BBS9: variants seen among roughly 807,000 people sequenced by gnomAD.
BBS9 encodes protein PTHB1.
A neutral mutation model predicts 117.7 loss-of-function variants in BBS9; 89 were observed. The ratio of observed to expected loss-of-function variants is 0.76; its 90% CI spans 0.64 to 0.90. The LOEUF is 0.90. BBS9 is among the 40% of genes least tolerant of loss of function. BBS9 has a pLI of 0.00. For missense variants in BBS9, 982 were observed against 1,042.2 expected, an observed-to-expected ratio of 0.94 and a Z score of 0.80; for synonymous variants, 379 against 370.9, an observed-to-expected ratio of 1.02 and a Z score of -0.25.
At chr7:33,137,362 G>A (rs1790671713) in intron 1 of BBS9, among the ~76,000 whole-genome samples, 1 of 152,192 alleles carries the variant, frequency 6.6e-6, no homozygotes. Flanking sequence ...GTCTGGAGCT[G>A]TGATTGGGTA....
chr7:33,485,629 G>A (rs1008899857), intron 19 of BBS9, among the ~76,000 whole-genome samples: 1 of 152,050 alleles, frequency 6.6e-6, no homozygotes, highest in Non-Finnish European at 1.5e-5. Context: ...TTAAAAAAAG[G>A]CATTTTCCTA....
intron 9 of BBS9, among the ~76,000 whole-genome samples, chr7:33,284,342 A>T (rs766533517): frequency 1.1e-4 from 17 of 152,184 alleles, no homozygotes; most frequent in African/African-American, 3.9e-4. Context: ...TTGCTGTATT[A>T]TCTTTGATTA....
chr7:33,328,100 A>G (rs1293789188), intron 9 of BBS9, among the ~76,000 whole-genome samples: 1 of 152,152 alleles, frequency 6.6e-6, no homozygotes, highest in Non-Finnish European at 1.5e-5. Context: ...AAGTATTTAA[A>G]GTCATTAAGA....
intron 1 of BBS9, among the ~76,000 whole-genome samples, chr7:33,145,453 A>G (rs1034570167): frequency 6.6e-6 from 1 of 152,130 alleles, no homozygotes; most frequent in African/African-American, 2.4e-5. Flanking sequence ...GGACACACGG[A>G]TAGTTAGTGG....
intron 21 of BBS9, among the ~76,000 whole-genome samples, chr7:33,563,833 G>C: frequency 6.6e-6 from 1 of 152,188 alleles, no homozygotes; most frequent in East Asian, 1.9e-4. Flanking sequence ...CTAAAACAAA[G>C]TCATGAGATG....
intron 1 of BBS9, among the ~76,000 whole-genome samples, chr7:33,132,289 T>C (rs1053398707): frequency 1.3e-5 from 2 of 152,224 alleles, no homozygotes; most frequent in Non-Finnish European, 1.5e-5. Context: ...GGCACGGATT[T>C]CTTAACTTCT....
At chr7:33,442,976 T>C (rs1836439786) in intron 19 of BBS9, among the ~76,000 whole-genome samples, 1 of 151,870 alleles carries the variant, frequency 6.6e-6, no homozygotes, top group African/African-American at 2.4e-5. Flanking sequence ...TTATATGTCA[T>C]GTATGAAAAG....
At chr7:33,408,453 G>A (rs530501207) in intron 19 of BBS9, among the ~76,000 whole-genome samples, 17 of 152,136 alleles carry the variant, frequency 1.1e-4, no homozygotes, top group Admixed American at 3.9e-4. Flanking sequence ...ACTCTCCTGC[G>A]CCCACTATCT....
chr7:33,247,295 G>A (rs1262589753), intron 5 of BBS9, among the ~76,000 whole-genome samples: 1 of 152,134 alleles, frequency 6.6e-6, no homozygotes, highest in African/African-American at 2.4e-5. Flanking sequence ...GCAGTATCAT[G>A]TAATATTCTC....
chr7:33,538,493 A>G (rs972385739), intron 21 of BBS9, among the ~76,000 whole-genome samples: 4 of 152,164 alleles, frequency 2.6e-5, no homozygotes, highest in African/African-American at 9.7e-5. Flanking sequence ...ACTTGAGTCA[A>G]TGACCTTTTG....
downstream of BBS9, among the ~76,000 whole-genome samples, chr7:33,606,716 C>T (rs370917624): frequency 4.6e-5 from 7 of 152,234 alleles, no homozygotes; most frequent in East Asian, 1.4e-3. Flanking sequence ...CAACCCTTCA[C>T]TTCAAGGCTC....
At chr7:33,140,698 A>G (rs917204771) in intron 1 of BBS9, among the ~76,000 whole-genome samples, 2 of 152,232 alleles carry the variant, frequency 1.3e-5, no homozygotes, top group African/African-American at 4.8e-5. Context: ...AAAGTGTAAT[A>G]CAGATATTAT....
intron 21 of BBS9, among the ~76,000 whole-genome samples, chr7:33,545,666 T>C (rs1853196010): frequency 6.6e-6 from 1 of 152,122 alleles, no homozygotes; most frequent in South Asian, 2.1e-4. Context: ...CCCGTACTGC[T>C]CTGTCCGGAG....
intron 21 of BBS9, among the ~76,000 whole-genome samples, chr7:33,620,314 G>T (rs1174527705): frequency 6.6e-6 from 1 of 151,932 alleles, no homozygotes; most frequent in Non-Finnish European, 1.5e-5. Flanking sequence ...TAATAATCTT[G>T]TGTATAGTAA....
intron 21 of BBS9, among the ~76,000 whole-genome samples, chr7:33,565,825 ATAC>A (rs1856821281): frequency 2.0e-5 from 1 of 48,942 alleles, no homozygotes; most frequent in Non-Finnish European, 3.2e-5. Flanking sequence ...ATATATATAT[ATAC>A]CGCTATATAT....
chr7:33,599,978 T>C (rs1412199129), intron 21 of BBS9, among the ~76,000 whole-genome samples: 1 of 152,118 alleles, frequency 6.6e-6, no homozygotes, highest in Non-Finnish European at 1.5e-5. Context: ...TCACTAGATG[T>C]ATGACTAGAA....
chr7:33,419,063 A>G (rs898754490), intron 19 of BBS9, among the ~76,000 whole-genome samples: 2 of 152,048 alleles, frequency 1.3e-5, no homozygotes, highest in Non-Finnish European at 2.9e-5. Context: ...TCTGCATTCC[A>G]TTAAAATTGC....
intron 19 of BBS9, among the ~76,000 whole-genome samples, chr7:33,456,936 A>C (rs1838734036): frequency 6.6e-6 from 1 of 152,226 alleles, no homozygotes; most frequent in South Asian, 2.1e-4. Context: ...AGAACAAATG[A>C]GTAGCACTGT....
chr7:33,230,799 T>A (rs1050555562), intron 5 of BBS9, among the ~76,000 whole-genome samples: 5 of 152,218 alleles, frequency 3.3e-5, no homozygotes, highest in Non-Finnish European at 7.4e-5. Flanking sequence ...ATATAGCACA[T>A]TTTCTTTATC....
Sources: gnomAD v4.1 joint callset for allele counts (sites outside exome capture counted in the v4.1 genomes callset) on GRCh38, gnomAD v4.1.1 for gene constraint, MANE v1.5 for transcripts, NCBI Gene and HGNC (gene_info 2026-07-23, HGNC 2026-07-21) for gene names.